The following TBX15 variants were observed in gnomAD, a reference collection of about 807,000 sequenced individuals.
TBX15 encodes T-box transcription factor 15, also known as T-box transcription factor TBX15.
TBX15 carries 18 observed loss-of-function variants against 53.9 expected under a neutral mutation model. The observed-to-expected ratio is 0.33, with a 90% CI of 0.23 to 0.49. TBX15 has a LOEUF of 0.49. Among genes scored for constraint, TBX15 ranks in the 20% least tolerant of loss-of-function variants. The pLI, the probability that TBX15 is intolerant of heterozygous loss-of-function variation, is 0.98. For missense variants in TBX15, 692 were observed against 749.5 expected (o/e 0.92, Z 0.90); for synonymous variants, 295 against 278.0 (o/e 1.06, Z -0.61).
chr1:118,982,166 A>G (rs1657673503), intron 1 of TBX15, among the ~76,000 whole-genome samples: 1 of 152,246 alleles, frequency 6.6e-6, no homozygotes, highest in Admixed American at 6.5e-5. Context: ...TAGCATGCCA[A>G]TCTGCCCTTT....
intron 7 of TBX15, among the ~76,000 whole-genome samples, chr1:118,892,470 T>A (rs1654179775): frequency 6.6e-6 from 1 of 152,042 alleles, no homozygotes; most frequent in Non-Finnish European, 1.5e-5. Context: ...GGTAAGAAGA[T>A]AAAAGAGGAG....
chr1:118,904,718 C>T lies in TBX15; in HGVS notation c.927-5593G>A, dbSNP rs143832155. On this transcript the variant is annotated intron_variant, in intron 6 of 7. Coordinates refer to ENST00000369429, the MANE Select transcript of TBX15 (RefSeq NM_001330677.2). ...AATAAGTGTAGTAATAACCCATGAT[C>T]ATACAAAGTTGGCTAACTAGAATAT... 2.0e-4 allele frequency among the ~76,000 whole-genome samples: 31 copies of T among 152,258 alleles called. No homozygotes were observed. In the East Asian group the frequency reaches 5.2e-3, roughly 26 times the overall value.
chr1:118,955,033 C>T (rs533628360), intron 1 of TBX15, among the ~76,000 whole-genome samples: 6 of 152,196 alleles, frequency 3.9e-5, no homozygotes, highest in Non-Finnish European at 8.8e-5. Flanking sequence ...AGCCACCTTT[C>T]CAGAATCCCT....
chr1:118,954,196 G>T (rs1656606397), intron 1 of TBX15, among the ~76,000 whole-genome samples: 1 of 152,206 alleles, frequency 6.6e-6, no homozygotes, highest in Non-Finnish European at 1.5e-5. Flanking sequence ...ACCAAGGAAA[G>T]CTAAGGAGTT....
chr1:118,915,676 C>G (rs1169733593), intron 5 of TBX15, among the ~76,000 whole-genome samples: 1 of 152,140 alleles, frequency 6.6e-6, no homozygotes, highest in Non-Finnish European at 1.5e-5. Context: ...TTCTTTCTTC[C>G]TCCATAATCC....
chr1:118,963,480 C>T (rs553515412), intron 1 of TBX15, among the ~76,000 whole-genome samples: 1 of 152,230 alleles, frequency 6.6e-6, no homozygotes, highest in African/African-American at 2.4e-5. Flanking sequence ...GAATACATAG[C>T]TAAGGCCCTC....
intron 1 of TBX15, among the ~76,000 whole-genome samples, chr1:118,978,502 A>AT (rs1657513578): frequency 6.6e-6 from 1 of 152,188 alleles, no homozygotes; most frequent in Admixed American, 6.5e-5. Flanking sequence ...CTATAAAACA[A>AT]TTTTGAAACT....
At chr1:118,938,478 T>A (rs1247098107) in intron 1 of TBX15, among the ~76,000 whole-genome samples, 1 of 152,142 alleles carries the variant, frequency 6.6e-6, no homozygotes, top group African/African-American at 2.4e-5. Context: ...AAAGAAGTGG[T>A]AGTAGTAATT....
At chr1:118,974,142 A>C (rs1657341898) in intron 1 of TBX15, among the ~76,000 whole-genome samples, 1 of 152,160 alleles carries the variant, frequency 6.6e-6, no homozygotes, top group Admixed American at 6.5e-5. Context: ...TGTTCATCTC[A>C]TCCTCTGCCA....
In TBX15 at chr1:118,899,219, A is replaced by G. The variant is rs145078380; in HGVS notation, c.927-94T>C. 79 of 1,132,362 alleles carry G rather than the reference A, an allele frequency of 7.0e-5. No homozygotes were observed. In the East Asian group the frequency reaches 1.1e-3, roughly 16 times the overall value. 70.1% of individuals were successfully genotyped at this position (1,132,362 alleles called of 1,614,324 possible). ...CCAGAGGTGGACTGTCAAACAGGTA[A>G]TAAAAACATAGATACTAAGCTACCA... On this transcript the variant is annotated intron_variant, in intron 6 of 7. Coordinates refer to ENST00000369429, the MANE Select transcript of TBX15 (RefSeq NM_001330677.2).
chr1:118,904,158 C>T (rs114521577), intron 6 of TBX15, among the ~76,000 whole-genome samples: 1,655 of 152,268 alleles, frequency 0.011, 31 homozygotes, highest in African/African-American at 0.038. Flanking sequence ...TATTCCATGA[C>T]AGGTGCTTAG....
chr1:118,932,211 C>T (rs946210), intron 1 of TBX15, among the ~76,000 whole-genome samples: 31,222 of 152,120 alleles, frequency 0.21, 3,978 homozygotes, highest in East Asian at 0.54. Flanking sequence ...TTATAAATTA[C>T]AGGTCCAAAC....
intron 7 of TBX15, among the ~76,000 whole-genome samples, chr1:118,898,534 A>G (rs1174459143): frequency 6.6e-6 from 1 of 152,234 alleles, no homozygotes; most frequent in African/African-American, 2.4e-5. Context: ...ATATAAGCAA[A>G]AAAGGAAAGA....
intron 7 of TBX15, among the ~76,000 whole-genome samples, chr1:118,888,208 G>C (rs1231255742): frequency 1.3e-5 from 2 of 152,138 alleles, no homozygotes; most frequent in Non-Finnish European, 1.5e-5. Flanking sequence ...ATTAACCTCT[G>C]TCCAGCTCAT....
intron 2 of TBX15, among the ~76,000 whole-genome samples, chr1:118,930,455 A>G (rs1655741700): frequency 6.6e-6 from 1 of 152,166 alleles, no homozygotes; most frequent in Non-Finnish European, 1.5e-5. Flanking sequence ...TTGCTCTCTC[A>G]CCCAGGGTGG....
chr1:118,970,954 C>T (rs560753056), intron 1 of TBX15, among the ~76,000 whole-genome samples: 1 of 152,344 alleles, frequency 6.6e-6, no homozygotes, highest in South Asian at 2.1e-4. Context: ...CAATTCTGCT[C>T]TCTCAGGAAA....
chr1:118,987,168 C>T (rs1657866557), intron 1 of TBX15, among the ~76,000 whole-genome samples: 1 of 152,160 alleles, frequency 6.6e-6, no homozygotes, highest in African/African-American at 2.4e-5. Context: ...CTGGTCATTC[C>T]CCGAAGACTG....
intron 4 of TBX15, among the ~76,000 whole-genome samples, 167 bp downstream of exon 4, chr1:118,924,479 A>G (rs1474058838): frequency 6.6e-6 from 1 of 152,228 alleles, no homozygotes; most frequent in African/African-American, 2.4e-5. Flanking sequence ...ATTTGTAATA[A>G]ATGGAATTTA....
upstream of TBX15, among the ~76,000 whole-genome samples, chr1:118,988,970 G>C (rs1019337909): frequency 7.2e-5 from 11 of 152,352 alleles, no homozygotes; most frequent in African/African-American, 2.6e-4. Flanking sequence ...AGGAGACACA[G>C]GCGCCTTGAG....
Sources: gnomAD v4.1 joint callset for allele counts (sites outside exome capture counted in the v4.1 genomes callset) on GRCh38, gnomAD v4.1.1 for gene constraint, MANE v1.5 for transcripts, NCBI Gene and HGNC (gene_info 2026-07-23, HGNC 2026-07-21) for gene names.